NCOR2: variants seen among roughly 807,000 people sequenced by gnomAD.
The protein encoded by NCOR2 is nuclear receptor corepressor 2.
A neutral mutation model predicts 262.9 loss-of-function variants in NCOR2; 81 were observed. That is an observed-to-expected ratio of 0.31 (90% CI 0.26 to 0.37). The LOEUF (loss-of-function observed/expected upper bound fraction) is 0.37, where lower values mean the gene tolerates loss of function less well. Among genes scored for constraint, NCOR2 ranks in the 10% least tolerant of loss-of-function variants. The pLI is 1.00. For missense variants in NCOR2, 3,385 were observed against 3,621.4 expected, an observed-to-expected ratio of 0.93 and a Z score of 1.68; for synonymous variants, 1,659 against 1,559.3, an observed-to-expected ratio of 1.06 and a Z score of -1.51.
At chr12:124,465,442 C>G (rs764604008) in intron 5 of NCOR2, among the ~76,000 whole-genome samples, 1 of 152,192 alleles carries the variant, frequency 6.6e-6, no homozygotes, top group Non-Finnish European at 1.5e-5. Flanking sequence ...CCTTAGGGTC[C>G]AGCCCCTGGA....
At chr12:124,477,881 C>T (rs1593732915) in intron 3 of NCOR2, among the ~76,000 whole-genome samples, 1 of 152,154 alleles carries the variant, frequency 6.6e-6, no homozygotes, top group African/African-American at 2.4e-5. Flanking sequence ...TTCAAGCTAG[C>T]GTGAAAGAGA....
rs1555297214 is a variant in NCOR2 at position 124,325,388 on chromosome 12, C to CCCCG, written c.*13_*14insCGGG. ...TGGGACCTGACACCGCCCCCCCCCC[C>CCCCG]GCCCTGTTCTGAGTCACTCGCTGTC... On this transcript the variant is annotated 3_prime_UTR_variant, in exon 47 of 47. Coordinates refer to ENST00000405201, the Ensembl canonical transcript of NCOR2. 172 of 693,384 alleles carry CCCCG rather than the reference C, an allele frequency of 2.5e-4. 7 individuals carry two copies. Among genetic ancestry groups the CCCCG allele is most frequent in the Middle Eastern group, 5.2e-4 (1 of 1,938 alleles). 43.0% of individuals were successfully genotyped at this position (693,384 alleles called of 1,614,324 possible).
intron 6 of NCOR2, among the ~76,000 whole-genome samples, chr12:124,451,595 T>A (rs372021494): frequency 2.0e-5 from 3 of 151,332 alleles, no homozygotes; most frequent in African/African-American, 7.3e-5. Flanking sequence ...CTCCCTCTCT[T>A]CCTGTCCCTC....
chr12:124,387,725 C>T (rs927675340), intron 16 of NCOR2, among the ~76,000 whole-genome samples: 1 of 152,274 alleles, frequency 6.6e-6, no homozygotes, highest in Admixed American at 6.5e-5. Flanking sequence ...CCGCCCGCGC[C>T]AGCAGCAGCT....
At chr12:124,373,479 C>T (rs2039694769) in intron 19 of NCOR2, among the ~76,000 whole-genome samples, 1 of 106,698 alleles carries the variant, frequency 9.4e-6, no homozygotes, top group African/African-American at 4.1e-5. Flanking sequence ...GCAGGGGCCC[C>T]GGGCACAGTG....
chr12:124,438,700 AAG>A (rs1475282180), intron 7 of NCOR2, among the ~76,000 whole-genome samples: 1 of 110,530 alleles, frequency 9.0e-6, no homozygotes, highest in Non-Finnish European at 2.0e-5. Context: ...GAGACCCAGA[AAG>A]AGAGGGAGAC....
chr12:124,427,683 C>T (rs1224496619), intron 10 of NCOR2, among the ~76,000 whole-genome samples: 10 of 152,186 alleles, frequency 6.6e-5, no homozygotes, highest in Non-Finnish European at 1.3e-4. Context: ...GTCTCCCAGA[C>T]CCTTGGAGCT....
Position 124,566,650 on chromosome 12 carries a change from G to C in NCOR2, c.-165+658C>G, listed in dbSNP as rs1021432588. 6.6e-6 allele frequency among the ~76,000 whole-genome samples: 1 copy of C among 152,222 alleles called. No individual in the cohort carries two copies. The highest frequency in any genetic ancestry group is 1.5e-5 in the Non-Finnish European group (1 of 68,028). Reference sequence around the variant, plus strand: ...CCAAGTATCCGCACAGCCCGGGGGAGGGACTAGGAGGCGGCCCAATGAGGC... The same window carrying C: ...CCAAGTATCCGCACAGCCCGGGGGACGGACTAGGAGGCGGCCCAATGAGGC... On this transcript the variant is annotated intron_variant, in intron 1 of 32. Transcript: ENST00000458234. The surrounding 1 kb of genome is among the most constrained non-coding windows in gnomAD (Gnocchi z 4.3).
At chr12:124,362,352 G>A (rs1009162792) in intron 21 of NCOR2, 55 bp from the exon 24 acceptor site, 8 of 1,330,944 alleles carry the variant, frequency 6.0e-6, no homozygotes, top group Non-Finnish European at 5.8e-6. Context: ...AAGTGACAGG[G>A]TCAGGGAGAG....
rs779854685 is a variant in NCOR2 at position 124,340,730 on chromosome 12, A to G, written c.5210T>C (p.Val1737Ala). 5.8e-6 allele frequency: 9 copies of G among 1,545,276 alleles called. No individual in the cohort carries two copies. In the South Asian group the frequency reaches 1.0e-4, roughly 17 times the overall value. Residue 1737 changes from valine to alanine, a missense_variant, in exon 35 of 47, where the codon GTG becomes GCG. Physicochemically the swap from Val to Ala is moderately conservative, Grantham distance 64 (BLOSUM62 0). Coordinates refer to ENST00000405201, the Ensembl canonical transcript of NCOR2. ...GGGCACGAGCACAGGCAGGTGTGGC[A>G]CTTGGGACAGGTCGATGATGCCTGC...
At chr12:124,341,998 G>A (rs201769852) in exon 34 of NCOR2, 65 of 1,613,382 alleles carry the variant, frequency 4.0e-5, no homozygotes, top group Admixed American at 1.3e-4. Flanking sequence ...CGGGGTAGCC[G>A]CGGATGAGGT....
Position 124,343,042 on chromosome 12 carries a change from G to A in NCOR2, c.4899C>T (p.Asp1633=), listed in dbSNP as rs764663064. 17 of 1,611,840 alleles carry A rather than the reference G, an allele frequency of 1.1e-5. No individual in the cohort carries two copies. In the African/African-American group the frequency reaches 2.1e-4, roughly 20 times the overall value. ...GGATGCCGCGGGGTATGGAGGTGGGGTCGAAGGCCAGGGGGATGTGGCTGC... is the reference window on the plus strand; with the variant it reads ...GGATGCCGCGGGGTATGGAGGTGGGATCGAAGGCCAGGGGGATGTGGCTGC... Residue 1633 remains aspartate, a synonymous_variant, in exon 33 of 47, where the codon GAC becomes GAT. Transcript: ENST00000405201.
chr12:124,509,033 C>T (rs1173964520), intron 1 of NCOR2, among the ~76,000 whole-genome samples: 1 of 152,150 alleles, frequency 6.6e-6, no homozygotes, highest in Non-Finnish European at 1.5e-5. Flanking sequence ...CACACACTGG[C>T]CATGAAAGGC....
intron 44 of NCOR2, chr12:124,328,685 T>A (rs1334851138): frequency 6.4e-6 from 1 of 157,184 alleles, no homozygotes; most frequent in Non-Finnish European, 1.4e-5. Context: ...AAGTGTTTCA[T>A]GGAGTTTTAA....
chr12:124,565,123 G>T (rs2052193675), intron 1 of NCOR2, among the ~76,000 whole-genome samples: 1 of 152,078 alleles, frequency 6.6e-6, no homozygotes, highest in Non-Finnish European at 1.5e-5. Flanking sequence ...CCCCAGGAGG[G>T]GTCTCCATCC....
intron 13 of NCOR2, among the ~76,000 whole-genome samples, chr12:124,403,389 C>A (rs1445191828): frequency 1.3e-5 from 2 of 152,168 alleles, no homozygotes; most frequent in Admixed American, 6.5e-5. Flanking sequence ...CCTCCCCGAC[C>A]TGTCCCAGCC....
At position 124,401,129 on chromosome 12, in the gene NCOR2, T is replaced by C. The variant is rs147636761; in HGVS notation, c.1641-456A>G. On this transcript the variant is annotated intron_variant, in intron 14 of 46. Transcript: ENST00000405201. Reference sequence around the variant, plus strand: ...GGGAAGCTAAGGTAGGGGGATCTCTTGAGCCTGGGAGGTCGAGGCTGCAGT... The same window carrying C: ...GGGAAGCTAAGGTAGGGGGATCTCTCGAGCCTGGGAGGTCGAGGCTGCAGT... Among the ~76,000 whole-genome samples, 592 of 151,862 alleles carry C rather than the reference T, an allele frequency of 3.9e-3. 4 individuals carry two copies. The highest frequency in any genetic ancestry group is 0.013 in the African/African-American group (554 of 41,414).
intron 1 of NCOR2, among the ~76,000 whole-genome samples, chr12:124,533,957 G>A (rs975654933): frequency 6.8e-6 from 1 of 147,938 alleles, no homozygotes; most frequent in Non-Finnish European, 1.5e-5. Flanking sequence ...TAGTTCATCA[G>A]CTATCATTAG....
Position 124,365,934 on chromosome 12 carries a change from G to A in NCOR2, c.2808-2135C>T, listed in dbSNP as rs116914080. Among the ~76,000 whole-genome samples, 803 of 152,120 alleles carry A rather than the reference G, an allele frequency of 5.3e-3. 35 individuals carry two copies. The East Asian group carries it at 0.11, about 20-fold the overall frequency. Reference sequence around the variant, plus strand: ...TTCTCCACCTGCGGCTTCAACTGCCGCCACCCCTATGTCCCTCCCCACAGG... The same window carrying A: ...TTCTCCACCTGCGGCTTCAACTGCCACCACCCCTATGTCCCTCCCCACAGG... On this transcript the variant is annotated intron_variant, in intron 20 of 46. Transcript: ENST00000405201.
Sources: gnomAD v4.1 joint callset for allele counts (sites outside exome capture counted in the v4.1 genomes callset) on GRCh38, gnomAD v4.1.1 for gene constraint, Gnocchi (gnomAD v3.1) non-coding constraint, MANE v1.5 for transcripts, NCBI Gene and HGNC (gene_info 2026-07-23, HGNC 2026-07-21) for gene names.